The following NXPE2 variants were observed in gnomAD, a reference collection of about 807,000 sequenced individuals.
NXPE2 encodes NXPE family member 2.
NXPE2 carries 34 observed loss-of-function variants against 34.4 expected under a neutral mutation model. The ratio of observed to expected loss-of-function variants is 0.99; its 90% CI spans 0.75 to 1.31. NXPE2 has a LOEUF of 1.31. Ranked by LOEUF, NXPE2 falls within the 40% of genes most tolerant of loss-of-function variation. The probability of loss-of-function intolerance (pLI) is 0.00; values close to 1 mark genes in which losing one functional copy is unlikely to be tolerated. For synonymous variants in NXPE2, 235 were observed against 231.3 expected (o/e 1.02, Z -0.15); for missense variants, 649 against 672.5 (o/e 0.97, Z 0.39).
At chr11:114,563,689 A>G in the NXPE2 span, among the ~76,000 whole-genome samples, 1 of 152,220 alleles carries the variant, frequency 6.6e-6, no homozygotes, top group Non-Finnish European at 1.5e-5. Context: ...TCAAAAGAAG[A>G]TTTAGGAATG....
chr11:114,714,647 T>G, the NXPE2 span, among the ~76,000 whole-genome samples: 1 of 152,220 alleles, frequency 6.6e-6, no homozygotes, highest in Non-Finnish European at 1.5e-5. Context: ...TCTTTACATG[T>G]GGCAGCTGAA....
chr11:114,620,204 C>G, the NXPE2 span, among the ~76,000 whole-genome samples: 1 of 150,872 alleles, frequency 6.6e-6, no homozygotes, highest in African/African-American at 2.4e-5. Context: ...TGGATACTAA[C>G]TTTTGCCTGA....
the NXPE2 span, chr11:114,551,431 C>A: frequency 3.9e-6 from 5 of 1,271,300 alleles, no homozygotes; most frequent in Admixed American, 1.9e-4. Context: ...TTGCTTCCTC[C>A]TTCCAGGACC....
the NXPE2 span, among the ~76,000 whole-genome samples, chr11:114,775,339 G>A: frequency 6.6e-6 from 1 of 152,202 alleles, no homozygotes; most frequent in Non-Finnish European, 1.5e-5. Context: ...ATAAGGCCCT[G>A]AATAGCTTTT....
chr11:114,528,159 T>C, the NXPE2 span, among the ~76,000 whole-genome samples: 1 of 152,270 alleles, frequency 6.6e-6, no homozygotes, highest in Non-Finnish European at 1.5e-5. Context: ...GAATTTTAGA[T>C]TCAAAATATT....
chr11:114,611,296 C>G, the NXPE2 span, among the ~76,000 whole-genome samples: 1 of 151,330 alleles, frequency 6.6e-6, no homozygotes, highest in Non-Finnish European at 1.5e-5. Context: ...TAAGTGTTGC[C>G]TCATGGGTAA....
At chr11:114,581,255 T>C in the NXPE2 span, among the ~76,000 whole-genome samples, 45 of 152,310 alleles carry the variant, frequency 3.0e-4, 1 homozygote, top group African/African-American at 9.1e-4. Context: ...GTGCAAGTTC[T>C]ATTTTTTATG....
chr11:114,591,004 G>C, the NXPE2 span, among the ~76,000 whole-genome samples: 1 of 152,176 alleles, frequency 6.6e-6, no homozygotes, highest in Admixed American at 6.6e-5. Context: ...ACCTGAACAT[G>C]ACTGTGAGCA....
chr11:114,529,040 G>T, the NXPE2 span: 2 of 400,684 alleles, frequency 5.0e-6, no homozygotes, highest in Non-Finnish European at 8.9e-6. Flanking sequence ...ATTCTGGAAT[G>T]CATGTTATTT....
rs780144055 is a variant in NXPE2, at chr11:114,698,716, C to T, written c.804C>T (p.His268=). 1.9e-6 allele frequency: 3 copies of T among 1,612,698 alleles called. No homozygotes were observed. Among genetic ancestry groups the T allele is most frequent in the Non-Finnish European group, 8.5e-7 (1 of 1,179,412 alleles). Residue 268 remains histidine (H), a synonymous_variant, in exon 3 of 6, where the codon CAC becomes CAT. Coordinates refer to ENST00000389586, the MANE Select transcript of NXPE2 (RefSeq NM_182495.6). ...PQHMPCEALT[H]MTTRTRNISY... ...ATATGCCCTGTGAGGCCTTGACCCA[C>T]ATGACCACTAGGACAAGAAATATTT...
At chr11:114,493,070 CTT>C in the NXPE2 span, among the ~76,000 whole-genome samples, 12 of 152,110 alleles carry the variant, frequency 7.9e-5, no homozygotes, top group East Asian at 2.3e-3. Context: ...TTCTTTGTCT[CTT>C]TTTATAGTTT....
the NXPE2 span, among the ~76,000 whole-genome samples, chr11:114,645,099 C>G: frequency 1.3e-5 from 2 of 151,684 alleles, no homozygotes; most frequent in East Asian, 1.9e-4. Flanking sequence ...GTCAGGAGTT[C>G]AAAACCAGCC....
the NXPE2 span, among the ~76,000 whole-genome samples, chr11:114,613,848 G>A: frequency 7.3e-5 from 11 of 151,612 alleles, no homozygotes; most frequent in South Asian, 2.1e-4. Flanking sequence ...TGGATAATAC[G>A]TATTGCCTAA....
the NXPE2 span, among the ~76,000 whole-genome samples, chr11:114,746,906 A>C: frequency 6.6e-5 from 10 of 150,864 alleles, no homozygotes; most frequent in East Asian, 1.9e-3. Flanking sequence ...AAAACCCCAC[A>C]AAGAACACCT....
At chr11:114,725,976 A>AATATATATATATATATATATATATATAT in the NXPE2 span, among the ~76,000 whole-genome samples, 2 of 101,746 alleles carry the variant, frequency 2.0e-5, no homozygotes, top group East Asian at 3.6e-4. Flanking sequence ...ATAAAAAAAA[A>AATATATATATATATATATATATATATAT]ATATATATAT....
the NXPE2 span, among the ~76,000 whole-genome samples, chr11:114,478,538 T>TA: frequency 6.6e-6 from 1 of 152,204 alleles, no homozygotes; most frequent in African/African-American, 2.4e-5. Context: ...GGTTTACCCT[T>TA]ACAGTACTTA....
At chr11:114,529,215 G>A in the NXPE2 span, 1 of 165,150 alleles carries the variant, frequency 6.1e-6, no homozygotes, top group Non-Finnish European at 1.3e-5. Flanking sequence ...AAAATAAAAG[G>A]GTACTGGCAG....
At chr11:114,514,432 C>T in the NXPE2 span, among the ~76,000 whole-genome samples, 1 of 152,232 alleles carries the variant, frequency 6.6e-6, no homozygotes, top group Admixed American at 6.5e-5. Flanking sequence ...CTCTATTGCC[C>T]AGGCTGGAGT....
the NXPE2 span, among the ~76,000 whole-genome samples, chr11:114,803,584 CTT>C: frequency 5.5e-5 from 8 of 144,526 alleles, no homozygotes; most frequent in South Asian, 1.3e-3. Context: ...CTCTCTCTCT[CTT>C]TTTTTTTTTG....
Sources: allele counts gnomAD v4.1 joint callset (sites outside exome capture counted in the v4.1 genomes callset), GRCh38; gene constraint gnomAD v4.1.1; transcripts MANE v1.5; gene names NCBI Gene and HGNC (gene_info 2026-07-23, HGNC 2026-07-21).